The following CXADR variants were observed in gnomAD, a reference collection of about 807,000 sequenced individuals.
CXADR encodes CXADR cell adhesion molecule.
In CXADR, 20 loss-of-function variants were observed where a neutral mutation model predicts 40.3. The ratio of observed to expected loss-of-function variants is 0.50; its 90% CI spans 0.35 to 0.72. The LOEUF is 0.72. Among genes scored for constraint, CXADR ranks in the 30% least tolerant of loss-of-function variants. CXADR has a pLI of 0.01. For synonymous variants in CXADR, 150 were observed against 161.3 expected, an observed-to-expected ratio of 0.93 and a Z score of 0.53; for missense variants, 332 against 449.1, an observed-to-expected ratio of 0.74 and a Z score of 2.36.
chr21:17,536,735 A>G (rs1029756912), intron 1 of CXADR, among the ~76,000 whole-genome samples: 1 of 152,094 alleles, frequency 6.6e-6, no homozygotes, highest in Non-Finnish European at 1.5e-5. Context: ...TTCTGAGATG[A>G]GCTGACAAGT....
At chr21:17,609,926 A>G in the CXADR span, among the ~76,000 whole-genome samples, 3 of 152,370 alleles carry the variant, frequency 2.0e-5, no homozygotes, top group East Asian at 1.9e-4. Context: ...AAAACAATCT[A>G]TATGTTTACC....
the CXADR span, among the ~76,000 whole-genome samples, chr21:17,624,070 C>T: frequency 5.9e-5 from 9 of 152,198 alleles, no homozygotes; most frequent in South Asian, 1.2e-3. Context: ...CCCAAACCCC[C>T]ATAGGCTCCC....
At chr21:17,547,317 G>T in intron 2 of CXADR, 124 bp downstream of exon 2, 2 of 1,374,162 alleles carry the variant, frequency 1.5e-6, no homozygotes, top group Non-Finnish European at 2.0e-6. Flanking sequence ...AACTTCTCAG[G>T]CTTTATGGTC....
the CXADR span, among the ~76,000 whole-genome samples, chr21:17,609,451 T>C: frequency 6.6e-6 from 1 of 152,228 alleles, no homozygotes; most frequent in South Asian, 2.1e-4. Flanking sequence ...AGAAGCACTA[T>C]AATAAATGAT....
chr21:17,532,558 T>C (rs1235465362), intron 1 of CXADR, among the ~76,000 whole-genome samples: 1 of 152,192 alleles, frequency 6.6e-6, no homozygotes, highest in Non-Finnish European at 1.5e-5. Context: ...ACCGATGATG[T>C]TCTAATTGCC....
chr21:17,619,708 G>T, the CXADR span, among the ~76,000 whole-genome samples: 1 of 151,834 alleles, frequency 6.6e-6, no homozygotes, highest in Non-Finnish European at 1.5e-5. Flanking sequence ...TTATAAGGTT[G>T]CTTTGTCTCC....
At chr21:17,557,445 C>T (rs780198469) in intron 3 of CXADR, among the ~76,000 whole-genome samples, 2 of 152,210 alleles carry the variant, frequency 1.3e-5, no homozygotes, top group Non-Finnish European at 2.9e-5. Flanking sequence ...GAGAATCCTT[C>T]AGCATCCCTG....
chr21:17,550,152 C>T (rs2060947217), intron 2 of CXADR, among the ~76,000 whole-genome samples: 2 of 151,956 alleles, frequency 1.3e-5, no homozygotes, highest in Admixed American at 1.3e-4. Context: ...GTCAGGAGTT[C>T]GAGACCAACC....
At chr21:17,529,278 G>A (rs1358873563) in intron 1 of CXADR, among the ~76,000 whole-genome samples, 1 of 151,470 alleles carries the variant, frequency 6.6e-6, no homozygotes, top group East Asian at 1.9e-4. Flanking sequence ...TGATTCACCC[G>A]CCTCGGCCTT....
chr21:17,609,276 T>C, the CXADR span: 1 of 936,062 alleles, frequency 1.1e-6, no homozygotes, highest in Non-Finnish European at 1.6e-6. Context: ...TTGTATTTCT[T>C]TGGCTTATAT....
intron 1 of CXADR, among the ~76,000 whole-genome samples, chr21:17,513,434 C>T (rs955672492): frequency 6.6e-6 from 1 of 152,052 alleles, no homozygotes; most frequent in Non-Finnish European, 1.5e-5. Flanking sequence ...CGGAGGGGCT[C>T]GGGCGCGGCG....
At chr21:17,545,019 CAT>C (rs749253377) in intron 1 of CXADR, among the ~76,000 whole-genome samples, 3 of 144,990 alleles carry the variant, frequency 2.1e-5, no homozygotes, top group South Asian at 2.2e-4. Context: ...TCAAGATAGT[CAT>C]GTGGAGAATT....
chr21:17,600,749 G>A, the CXADR span, among the ~76,000 whole-genome samples: 1 of 152,304 alleles, frequency 6.6e-6, no homozygotes, highest in Admixed American at 6.5e-5. Context: ...ACATAGATGA[G>A]TTCTATTTCT....
the CXADR span, chr21:17,608,824 A>T: frequency 8.0e-6 from 6 of 751,664 alleles, no homozygotes; most frequent in East Asian, 1.7e-4. Context: ...TTTTAAAATG[A>T]GTAAGGAGAA....
the CXADR span, among the ~76,000 whole-genome samples, chr21:17,635,462 C>T: frequency 6.6e-6 from 1 of 152,074 alleles, no homozygotes; most frequent in Non-Finnish European, 1.5e-5. Flanking sequence ...TCATTTATGT[C>T]ACCAGCAGGT....
chr21:17,575,600 C>T (rs1012819465), intron 7 of CXADR, among the ~76,000 whole-genome samples: 2 of 151,302 alleles, frequency 1.3e-5, no homozygotes, highest in African/African-American at 2.4e-5. Context: ...ACGCCATTCT[C>T]CTGCCTCAGC....
rs5842646 is a variant in CXADR at position 17,534,007 on chromosome 21, A to AATATATATAT, written c.44-13008_44-12999dup. Among the ~76,000 whole-genome samples the AATATATATAT allele has an allele frequency of 3.4e-5, 3 of 87,912 alleles. No homozygotes were observed. The East Asian group carries it at 1.0e-3, about 29-fold the overall frequency. The allele number at this position is 87,912 out of a possible 152,430, so 57.7% of individuals were successfully genotyped here. ...CCTGTATTTTCTTCTCTTTCTCAGC[A>AATATATATAT]ATATATATATATATATATATAGCTA... On this transcript the variant is annotated intron_variant, in intron 1 of 6. Transcript: ENST00000284878.
rs2061233651 is a variant in CXADR at position 17,567,994 on chromosome 21, A to G, written c.*2302A>G. 1 of 985,184 alleles carries G rather than the reference A, an allele frequency of 1.0e-6. No homozygotes were observed. 61.0% of individuals were successfully genotyped at this position (985,184 alleles called of 1,614,324 possible). A position where few individuals can be genotyped will look rare whatever the true frequency, so the allele number is the denominator to read the frequency against. ...GCCAAATAGTACCAATACGTTTTCA[A>G]GTAGTTCTCACTGATAATTTAGTTG... On this transcript the variant is annotated 3_prime_UTR_variant, in exon 7 of 7. Transcript: ENST00000284878.
chr21:17,632,456 A>G, the CXADR span, among the ~76,000 whole-genome samples: 2 of 152,244 alleles, frequency 1.3e-5, no homozygotes, highest in Admixed American at 6.5e-5. Flanking sequence ...ACAGTTGCAT[A>G]TTGATGTGGA....
Sources: gnomAD v4.1 joint callset for allele counts (sites outside exome capture counted in the v4.1 genomes callset) on GRCh38, gnomAD v4.1.1 for gene constraint, MANE v1.5 for transcripts, NCBI Gene and HGNC (gene_info 2026-07-23, HGNC 2026-07-21) for gene names.